PCCA: variants seen among roughly 807,000 people sequenced by gnomAD.
PCCA encodes the protein propionyl-CoA carboxylase alpha chain, mitochondrial.
Under a neutral mutation model 101.3 loss-of-function variants are expected in PCCA, and 74 were observed. The observed-to-expected ratio is 0.73, with a 90% CI of 0.61 to 0.89. The LOEUF (loss-of-function observed/expected upper bound fraction) is 0.89, where lower values mean the gene tolerates loss of function less well. Ranked by LOEUF, PCCA falls within the 40% of genes least tolerant of loss-of-function variation. The pLI is 0.00. For synonymous variants in PCCA, 294 were observed against 313.6 expected (o/e 0.94, Z 0.66); for missense variants, 891 against 907.0 (o/e 0.98, Z 0.23).
chr13:100,418,869 A>G (rs1356677119), intron 19 of PCCA, among the ~76,000 whole-genome samples: 1 of 151,474 alleles, frequency 6.6e-6, no homozygotes, highest in Non-Finnish European at 1.5e-5. Context: ...AAAAAAGGAC[A>G]GCAGACAATG....
intron 4 of PCCA, among the ~76,000 whole-genome samples, chr13:100,141,659 C>T (rs997799144): frequency 6.6e-6 from 1 of 152,160 alleles, no homozygotes; most frequent in Non-Finnish European, 1.5e-5. Context: ...GTGATCTGCC[C>T]GCCTTGGCCT....
At chr13:100,235,339 T>G (rs2060729261) in intron 7 of PCCA, among the ~76,000 whole-genome samples, 1 of 150,930 alleles carries the variant, frequency 6.6e-6, no homozygotes, top group Non-Finnish European at 1.5e-5. Context: ...ACCAAAAGGA[T>G]TTTTTGGAAC....
chr13:100,335,156 A>G (rs2070244490), intron 17 of PCCA, among the ~76,000 whole-genome samples: 1 of 152,202 alleles, frequency 6.6e-6, no homozygotes, highest in South Asian at 2.1e-4. Flanking sequence ...CAATATAAAC[A>G]AATTTGTTTT....
At chr13:100,423,880 C>T (rs949357158) in intron 19 of PCCA, among the ~76,000 whole-genome samples, 7 of 152,226 alleles carry the variant, frequency 4.6e-5, no homozygotes, top group Non-Finnish European at 4.4e-5. Context: ...TAGACTCACA[C>T]GCAGTCTTCC....
intron 4 of PCCA, among the ~76,000 whole-genome samples, chr13:100,137,637 T>C (rs2051339359): frequency 6.6e-6 from 1 of 152,180 alleles, no homozygotes; most frequent in Non-Finnish European, 1.5e-5. Context: ...CTTTTTCTGA[T>C]ACTAACCTAG....
chr13:100,520,597 A>C (rs985447229), intron 22 of PCCA, among the ~76,000 whole-genome samples: 2 of 138,048 alleles, frequency 1.4e-5, no homozygotes, highest in Admixed American at 8.0e-5. Context: ...ATCGCGCCAC[A>C]GCACTCCAGC....
chr13:100,100,809 C>T (rs537321265), intron 1 of PCCA, among the ~76,000 whole-genome samples: 3 of 148,624 alleles, frequency 2.0e-5, no homozygotes, highest in African/African-American at 7.5e-5. Context: ...TTTGTTGAGA[C>T]AGTGTTTCGC....
In PCCA at chr13:100,301,453, C is replaced by T; in HGVS notation, c.1066-7C>T. ...CACCTACTGACTGGCAGACCTTGGC[C>T]TTGCAGGTTGAGCATCCTGTCACAG... On this transcript the variant is annotated splice_region_variant and splice_polypyrimidine_tract_variant and intron_variant, in intron 12 of 23. Coordinates refer to ENST00000376285, the MANE Select transcript of PCCA (RefSeq NM_000282.4). The T allele has an allele frequency of 6.2e-7, 1 of 1,613,982 alleles. No homozygotes were observed. The highest frequency in any genetic ancestry group is 8.5e-7 in the Non-Finnish European group (1 of 1,179,864).
intron 12 of PCCA, among the ~76,000 whole-genome samples, chr13:100,298,298 G>A (rs1035365775): frequency 5.9e-5 from 9 of 152,078 alleles, no homozygotes; most frequent in African/African-American, 4.8e-5. Flanking sequence ...GAAGTGCTGC[G>A]CAAGGCCCTT....
chr13:100,345,893 A>G (rs2072128226), intron 18 of PCCA, among the ~76,000 whole-genome samples: 2 of 152,154 alleles, frequency 1.3e-5, no homozygotes, highest in Non-Finnish European at 2.9e-5. Flanking sequence ...TGCTCTAGAA[A>G]TGGAACAACA....
chr13:100,220,577 A>G (rs2059766707), intron 7 of PCCA, among the ~76,000 whole-genome samples: 1 of 152,068 alleles, frequency 6.6e-6, no homozygotes, highest in Admixed American at 6.6e-5. Flanking sequence ...CGTCATTCAC[A>G]GTTTTTCTAA....
chr13:100,190,491 T>G (rs1055471129), intron 6 of PCCA, among the ~76,000 whole-genome samples: 5 of 152,074 alleles, frequency 3.3e-5, no homozygotes, highest in African/African-American at 1.2e-4. Flanking sequence ...GAGACCAGCC[T>G]GGCCAACATG....
chr13:100,517,598 G>A lies in PCCA; in HGVS notation c.2040+2031G>A, dbSNP rs571581136. 2.0e-5 allele frequency among the ~76,000 whole-genome samples: 3 copies of A among 152,220 alleles called. No homozygotes were observed. The South Asian group carries it at 6.2e-4, about 32-fold the overall frequency. On this transcript the variant is annotated intron_variant, in intron 22 of 23. Coordinates refer to ENST00000376285, the MANE Select transcript of PCCA (RefSeq NM_000282.4). ...ATTCCTTTAAATTCAGAGTACCTGG[G>A]GGGCACGCGTAGTGAACAGGCTCAG...
At chr13:100,186,339 A>C (rs778362734) in intron 6 of PCCA, among the ~76,000 whole-genome samples, 3 of 152,234 alleles carry the variant, frequency 2.0e-5, no homozygotes, top group Admixed American at 6.5e-5. Context: ...GTCCATAAGC[A>C]CACATTTGAA....
chr13:100,510,995 T>TGTG (rs1238193252), intron 21 of PCCA, among the ~76,000 whole-genome samples: 1 of 152,162 alleles, frequency 6.6e-6, no homozygotes, highest in Non-Finnish European at 1.5e-5. Context: ...CTTGGAGATT[T>TGTG]GTGGTGGTGG....
At chr13:100,132,103 G>GC (rs2152324769) in intron 4 of PCCA, among the ~76,000 whole-genome samples, 1 of 152,128 alleles carries the variant, frequency 6.6e-6, no homozygotes, top group South Asian at 2.1e-4. Flanking sequence ...TAAACAGGAG[G>GC]CCTGCAGTGT....
At chr13:100,385,390 G>A (rs1174026761) in intron 19 of PCCA, among the ~76,000 whole-genome samples, 1 of 152,132 alleles carries the variant, frequency 6.6e-6, no homozygotes, top group Non-Finnish European at 1.5e-5. Flanking sequence ...CACAAAATAA[G>A]GGATGCCCTT....
intron 7 of PCCA, among the ~76,000 whole-genome samples, chr13:100,230,601 T>G (rs917204386): frequency 6.6e-6 from 1 of 151,146 alleles, no homozygotes; most frequent in Non-Finnish European, 1.5e-5. Flanking sequence ...CACCCTGGAC[T>G]CTGGGAGGAA....
At chr13:100,268,296 C>T (rs1217938048) in intron 10 of PCCA, among the ~76,000 whole-genome samples, 3 of 152,140 alleles carry the variant, frequency 2.0e-5, no homozygotes, top group Non-Finnish European at 4.4e-5. Context: ...AATCAACAGA[C>T]ATTTAATAAT....
Sources: gnomAD v4.1 joint callset for allele counts (sites outside exome capture counted in the v4.1 genomes callset) on GRCh38, gnomAD v4.1.1 for gene constraint, MANE v1.5 for transcripts, NCBI Gene and HGNC (gene_info 2026-07-23, HGNC 2026-07-21) for gene names.